Variants in HYCC1 observed in about 807,000 individuals in gnomAD.
HYCC1 encodes the protein hyccin PI4KA lipid kinase complex subunit 1.
chr7:22,923,769 G>A, the HYCC1 span, among the ~76,000 whole-genome samples: 2 of 151,940 alleles, frequency 1.3e-5, no homozygotes, highest in Non-Finnish European at 2.9e-5. Context: ...ATAATTACAT[G>A]GAAATACTAT....
At chr7:22,986,754 AG>A in the HYCC1 span, among the ~76,000 whole-genome samples, 1 of 152,180 alleles carries the variant, frequency 6.6e-6, no homozygotes, top group Non-Finnish European at 1.5e-5. Context: ...AGGCTGAGGC[AG>A]GAGAATCGCT....
At chr7:22,906,446 CGT>C in the HYCC1 span, among the ~76,000 whole-genome samples, 3 of 151,880 alleles carry the variant, frequency 2.0e-5, no homozygotes, top group South Asian at 6.3e-4. Flanking sequence ...AGCATGGTAG[CGT>C]GTGTGTGTAA....
chr7:22,966,591 A>C, the HYCC1 span, among the ~76,000 whole-genome samples: 1 of 152,200 alleles, frequency 6.6e-6, no homozygotes, highest in Non-Finnish European at 1.5e-5. Context: ...TCTATGCTTG[A>C]TATAATATGA....
the HYCC1 span, among the ~76,000 whole-genome samples, chr7:22,995,455 G>A: frequency 2.6e-5 from 4 of 151,818 alleles, no homozygotes; most frequent in South Asian, 2.1e-4. Context: ...TCAATCCTAC[G>A]ATCAAAGTCT....
the HYCC1 span, among the ~76,000 whole-genome samples, chr7:22,929,579 A>G: frequency 3.9e-5 from 6 of 152,234 alleles, no homozygotes; most frequent in East Asian, 7.7e-4. Flanking sequence ...GCAGCCAAAA[A>G]ACACGTGAAA....
chr7:22,940,418 A>C, the HYCC1 span: 2 of 151,672 alleles, frequency 1.3e-5, no homozygotes, highest in African/African-American at 4.8e-5. Context: ...TGCCTGGCTA[A>C]TTTTTGTATT....
chr7:22,912,762 G>C, the HYCC1 span, among the ~76,000 whole-genome samples: 1 of 152,196 alleles, frequency 6.6e-6, no homozygotes, highest in Admixed American at 6.5e-5. Context: ...GAAAACAACA[G>C]CTTTTCTTAA....
chr7:22,917,148 G>A, the HYCC1 span, among the ~76,000 whole-genome samples: 3 of 152,114 alleles, frequency 2.0e-5, no homozygotes, highest in Non-Finnish European at 2.9e-5. Flanking sequence ...TGTCCCTCAC[G>A]GCAGTTTTTC....
the HYCC1 span, among the ~76,000 whole-genome samples, chr7:22,905,670 C>A: frequency 6.6e-6 from 1 of 151,854 alleles, no homozygotes; most frequent in African/African-American, 2.4e-5. Context: ...TTATATAATT[C>A]TTTTCAATTT....
At chr7:22,983,574 T>C in the HYCC1 span, among the ~76,000 whole-genome samples, 1 of 152,242 alleles carries the variant, frequency 6.6e-6, no homozygotes, top group Non-Finnish European at 1.5e-5. Context: ...GTTTACTTAT[T>C]TTCTCCCACT....
chr7:22,898,356 G>A, the HYCC1 span, among the ~76,000 whole-genome samples: 1 of 151,874 alleles, frequency 6.6e-6, no homozygotes. Flanking sequence ...TAGGATTACA[G>A]GCACACACCA....
the HYCC1 span, chr7:22,937,757 G>A: frequency 6.6e-6 from 1 of 152,066 alleles, no homozygotes; most frequent in Non-Finnish European, 1.5e-5. Context: ...TAGTGAGGGA[G>A]ACAAATATGA....
At chr7:22,964,504 T>C in the HYCC1 span, 1 of 1,606,264 alleles carries the variant, frequency 6.2e-7, no homozygotes, top group Non-Finnish European at 8.5e-7. Context: ...TTCTTACATG[T>C]TGTCGAGGAT....
the HYCC1 span, among the ~76,000 whole-genome samples, chr7:22,916,140 G>A: frequency 3.3e-5 from 5 of 151,972 alleles, no homozygotes; most frequent in Admixed American, 6.6e-5. Flanking sequence ...GCCTGTTATC[G>A]CTCGCCTGTT....
At chr7:22,991,513 A>C in the HYCC1 span, among the ~76,000 whole-genome samples, 1 of 152,170 alleles carries the variant, frequency 6.6e-6, no homozygotes, top group Admixed American at 6.5e-5. Flanking sequence ...CACGCATCCA[A>C]AATTGACTTT....
the HYCC1 span, chr7:22,960,301 C>A: frequency 6.2e-7 from 1 of 1,613,798 alleles, no homozygotes; most frequent in Non-Finnish European, 8.5e-7. Flanking sequence ...CTGGTTACTG[C>A]ATTTCTTGAT....
At chr7:22,980,878 T>A in the HYCC1 span, among the ~76,000 whole-genome samples, 29 of 152,288 alleles carry the variant, frequency 1.9e-4, no homozygotes, top group African/African-American at 6.5e-4. Flanking sequence ...AAAGTTATAG[T>A]CAACTAAAAG....
At chr7:22,917,795 T>A in the HYCC1 span, among the ~76,000 whole-genome samples, 1 of 152,198 alleles carries the variant, frequency 6.6e-6, no homozygotes, top group Non-Finnish European at 1.5e-5. Flanking sequence ...TTAAAGTGGA[T>A]AAAAGATCTT....
chr7:22,990,923 C>A, the HYCC1 span: 2 of 643,832 alleles, frequency 3.1e-6, no homozygotes, highest in South Asian at 3.7e-5. Context: ...GTAAATAACT[C>A]TCTATTGAGA....
Sources: gnomAD v4.1 joint callset for allele counts (sites outside exome capture counted in the v4.1 genomes callset) on GRCh38, gnomAD v4.1.1 for gene constraint, MANE v1.5 for transcripts, NCBI Gene and HGNC (gene_info 2026-07-23, HGNC 2026-07-21) for gene names.